Variants in SLC6A7 observed in about 807,000 individuals in gnomAD.
The protein encoded by SLC6A7 is sodium-dependent proline transporter.
A neutral mutation model predicts 73.1 loss-of-function variants in SLC6A7; 58 were observed. That is an observed-to-expected ratio of 0.79 (90% confidence interval 0.64 to 0.99). The LOEUF (loss-of-function observed/expected upper bound fraction) is 0.99. SLC6A7 is among the 50% of genes least tolerant of loss of function. SLC6A7 has a pLI of 0.00. For missense variants in SLC6A7, 783 were observed against 831.4 expected (o/e 0.94, Z 0.72); for synonymous variants, 338 against 338.7 (o/e 1.00, Z 0.02).
At position 150,210,385 on chromosome 5, in the gene SLC6A7, G is replaced by C. The variant is rs991114945; in HGVS notation, c.*770G>C. The C allele has an allele frequency of 6.5e-6, 1 of 153,332 alleles. No individual in the cohort carries two copies. Among genetic ancestry groups the C allele is most frequent in the Non-Finnish European group, 1.5e-5 (1 of 68,726 alleles). 9.5% of individuals were successfully genotyped at this position (153,332 alleles called of 1,614,324 possible). A position where few individuals can be genotyped will look rare whatever the true frequency, so the allele number is the denominator to read the frequency against. On this transcript the variant is annotated 3_prime_UTR_variant, in exon 14 of 14. Transcript: ENST00000230671. ...AGGAAAACTAACAGAGGGGGAGCCA[G>C]GGATGATGGGGTGGGCAGGGGATTT... is the stretch of plus-strand genomic sequence containing the variant.
At chr5:150,196,196 G>A (rs1753009858) in intron 2 of SLC6A7, among the ~76,000 whole-genome samples, 1 of 152,218 alleles carries the variant, frequency 6.6e-6, no homozygotes, top group African/African-American at 2.4e-5. Context: ...TCGCCTAGGA[G>A]GGGGTTGGTT....
rs1272382015 is a variant in SLC6A7 at position 150,197,064 on chromosome 5, C to A, written c.372C>A (p.Leu124=). The change falls in exon 4 of 14, where the codon CTC becomes CTA. Residue 124 remains leucine, a synonymous_variant. Transcript: ENST00000230671. ...CAGGCGCCGGCGCAGCCATGCTGCT[C>A]ATCGTGGGCTTGGTGGCCATCTACT... ...LFKGAGAAML[L]IVGLVAIYYN... The A allele has an allele frequency of 6.2e-7, 1 of 1,613,866 alleles. No homozygotes were observed. The highest frequency in any genetic ancestry group is 1.3e-5 in the African/African-American group (1 of 74,948).
chr5:150,202,847 G>T (rs2113982423), intron 8 of SLC6A7, 144 bp downstream of exon 8: 2 of 876,992 alleles, frequency 2.3e-6, no homozygotes, highest in East Asian at 5.7e-5. Context: ...GGCCAAGGTG[G>T]GCGGATCGCT....
intron 5 of SLC6A7, among the ~76,000 whole-genome samples, chr5:150,200,185 G>A (rs914816134): frequency 2.0e-5 from 3 of 152,160 alleles, no homozygotes; most frequent in East Asian, 1.9e-4. Context: ...TGGAAAGGAC[G>A]ATAAAGCCAT....
chr5:150,191,435 T>C (rs1324445660), intron 1 of SLC6A7, among the ~76,000 whole-genome samples: 1 of 123,018 alleles, frequency 8.1e-6, no homozygotes, highest in Non-Finnish European at 1.8e-5. Context: ...TTCTTTTTCT[T>C]GTTTTTTTTT....
chr5:150,198,113 AAGAGAAAG>A (rs10675929), intron 4 of SLC6A7, among the ~76,000 whole-genome samples: 6,240 of 56,426 alleles, frequency 0.11, 287 homozygotes, highest in Non-Finnish European at 0.17. Flanking sequence ...GAAAGAAAGA[AAGAGAAAG>A]AAAGAAAGAA....
rs755266899 is a variant in SLC6A7 at position 150,197,155 on chromosome 5, G to C, written c.463G>C (p.Glu155Gln). 15 of 1,614,100 alleles carry C rather than the reference G, an allele frequency of 9.3e-6. No homozygotes were observed. In the East Asian group the frequency reaches 3.1e-4, roughly 34 times the overall value. ...CTCCCTCACCAGCGACCTACCCTGG[G>C]AGCACTGTGGCAACTGGTGGAACAC... ...FASLTSDLPW[E>Q]HCGNWWNTEL... Residue 155 changes from glutamate (E) to glutamine (Q), a missense_variant, in exon 4 of 14, where the codon GAG becomes CAG. By Grantham distance (29) the Glu-to-Gln change is conservative (BLOSUM62 2). Coordinates refer to ENST00000230671, the MANE Select transcript of SLC6A7 (RefSeq NM_014228.5).
At position 150,203,728 on chromosome 5, in the gene SLC6A7, C is replaced by A; in HGVS notation, c.1149C>A (p.Phe383Leu). Residue 383 changes from phenylalanine to leucine, a missense_variant, in exon 9 of 14, where the codon TTC (phenylalanine) becomes TTA (leucine). Transcript: ENST00000230671. ...QAMTMLPLSPFWSFLFFFMLL... is the reference protein window; with the variant it reads ...QAMTMLPLSPLWSFLFFFMLL... ...TGACCATGCTGCCTCTGTCACCCTT[C>A]TGGTCCTTTCTCTTCTTCTTCATGC... is the stretch of plus-strand genomic sequence containing the variant. 1 of 1,612,782 alleles carries A rather than the reference C, an allele frequency of 6.2e-7. No individual in the cohort carries two copies. The highest frequency in any genetic ancestry group is 8.5e-7 in the Non-Finnish European group (1 of 1,178,996).
At chr5:150,191,592 G>A (rs1752789646) in intron 1 of SLC6A7, among the ~76,000 whole-genome samples, 1 of 152,074 alleles carries the variant, frequency 6.6e-6, no homozygotes, top group African/African-American at 2.4e-5. Context: ...CACCACGCCT[G>A]GCTAATGTTT....
intron 10 of SLC6A7, 104 bp from the exon 11 acceptor site, chr5:150,204,428 T>G: frequency 1.1e-6 from 1 of 883,606 alleles, no homozygotes; most frequent in Non-Finnish European, 1.9e-6. Context: ...TGTCATCTTG[T>G]GCTGTCAGCA....
chr5:150,204,708 C>A, intron 11 of SLC6A7, 77 bp downstream of exon 11: 2 of 1,359,494 alleles, frequency 1.5e-6, no homozygotes, highest in South Asian at 1.2e-5. Context: ...AGCCCCAGTA[C>A]CTGGGTCCCT....
Position 150,190,354 on chromosome 5 carries a change from C to G in SLC6A7, c.27C>G (p.Leu9=), listed in dbSNP as rs1350610826. 6.7e-7 allele frequency: 1 copy of G among 1,502,414 alleles called. No homozygotes were observed. Among genetic ancestry groups the G allele is most frequent in the Non-Finnish European group, 8.9e-7 (1 of 1,127,378 alleles). The allele number at this position is 1,502,414 out of a possible 1,614,324, so 93.1% of individuals were successfully genotyped here. Residue 9 remains leucine, a synonymous_variant, in exon 1 of 14, where the codon CTC becomes CTG. Coordinates refer to ENST00000230671, the MANE Select transcript of SLC6A7 (RefSeq NM_014228.5). MKKLQGAH[L]RKPVTPDLLM... ...TGAAGAAGCTCCAGGGAGCTCACCT[C>G]CGCAAGGTAGGGCACGAGGGCGGGG...
At chr5:150,191,634 G>A (rs985091586) in intron 1 of SLC6A7, among the ~76,000 whole-genome samples, 10 of 152,094 alleles carry the variant, frequency 6.6e-5, no homozygotes, top group Non-Finnish European at 1.5e-4. Context: ...GTTTCACCGT[G>A]TTAGCCAGGA....
At chr5:150,195,903 T>C (rs1239101876) in intron 2 of SLC6A7, among the ~76,000 whole-genome samples, 1 of 152,144 alleles carries the variant, frequency 6.6e-6, no homozygotes, top group Non-Finnish European at 1.5e-5. Flanking sequence ...GCTGACCTCA[T>C]TTTGTCCTGA....
chr5:150,190,582 C>A (rs1752733446), intron 1 of SLC6A7, among the ~76,000 whole-genome samples: 1 of 152,184 alleles, frequency 6.6e-6, no homozygotes, highest in Non-Finnish European at 1.5e-5. Flanking sequence ...TGAGGGGAGT[C>A]CTGGTTCACT....
intron 10 of SLC6A7, 117 bp from the exon 11 acceptor site, chr5:150,204,415 C>T (rs1460989677): frequency 8.5e-6 from 7 of 818,844 alleles, no homozygotes; most frequent in African/African-American, 1.7e-5. Flanking sequence ...CCAGTGGTCA[C>T]CCTGTCATCT....
At chr5:150,192,312 G>T (rs1490687291) in intron 1 of SLC6A7, among the ~76,000 whole-genome samples, 9 of 152,152 alleles carry the variant, frequency 5.9e-5, no homozygotes, top group Non-Finnish European at 2.9e-5. Flanking sequence ...TCTCTGTCCT[G>T]AAGAGTCTTG....
At chr5:150,208,997 C>A (rs977022044) in intron 13 of SLC6A7, among the ~76,000 whole-genome samples, 1 of 152,238 alleles carries the variant, frequency 6.6e-6, no homozygotes, top group African/African-American at 2.4e-5. Flanking sequence ...CCCGGATTGG[C>A]ATTCAGACAC....
chr5:150,207,252 T>C (rs1162520517), intron 13 of SLC6A7, among the ~76,000 whole-genome samples: 1 of 152,114 alleles, frequency 6.6e-6, no homozygotes, highest in Non-Finnish European at 1.5e-5. Flanking sequence ...CAGGTTTTTT[T>C]GTCTTTTTTT....
Sources: gnomAD v4.1 joint callset for allele counts (sites outside exome capture counted in the v4.1 genomes callset) on GRCh38, gnomAD v4.1.1 for gene constraint, MANE v1.5 for transcripts, NCBI Gene and HGNC (gene_info 2026-07-23, HGNC 2026-07-21) for gene names.